The following PCM1 variants were observed in gnomAD, a reference collection of about 807,000 sequenced individuals.
PCM1 encodes pericentriolar material 1.
In PCM1, 157 loss-of-function variants were observed where a neutral mutation model predicts 241.9. The observed-to-expected ratio is 0.65, with a 90% CI of 0.57 to 0.74. The LOEUF (loss-of-function observed/expected upper bound fraction) is 0.74. PCM1 is among the 30% of genes least tolerant of loss of function. PCM1 has a pLI of 0.00. For synonymous variants in PCM1, 1,085 were observed against 784.9 expected (o/e 1.38, Z -6.39); for missense variants, 3,478 against 2,360.1 (o/e 1.47, Z -9.81).
chr8:18,024,294 A>G (rs909010982), intron 36 of PCM1, among the ~76,000 whole-genome samples: 2 of 152,172 alleles, frequency 1.3e-5, no homozygotes, highest in Non-Finnish European at 2.9e-5. Context: ...TGAGCCCAGG[A>G]GTTCTAGACT....
At chr8:17,969,490 A>T in intron 21 of PCM1, 87 bp from the exon 22 acceptor site, 1 of 969,020 alleles carries the variant, frequency 1.0e-6, no homozygotes, top group Non-Finnish European at 1.6e-6. Flanking sequence ...TTTGAATGAC[A>T]TGTTTAATTA....
At chr8:17,959,050 A>G (rs1459548734) in intron 13 of PCM1, among the ~76,000 whole-genome samples, 1 of 152,048 alleles carries the variant, frequency 6.6e-6, no homozygotes, top group Non-Finnish European at 1.5e-5. Context: ...TCCATTAATA[A>G]TCCTATTCTT....
At chr8:17,964,983 G>A (rs1336917677) in intron 18 of PCM1, among the ~76,000 whole-genome samples, 1 of 152,056 alleles carries the variant, frequency 6.6e-6, no homozygotes, top group Non-Finnish European at 1.5e-5. Flanking sequence ...CAACTGCTTG[G>A]TCCCCACGTT....
In PCM1 at chr8:17,967,077, T is replaced by G; in HGVS notation, c.3319T>G (p.Ser1107Ala). ...AGGCAGTAGTGCATCGCACCCTCCT[T>G]CTCCCAGTTTATTTTGTCCTTTCAG... The part of the protein sequence containing the change: ...ERGSSASHPP[S>A]PSLFCPFSFP... Residue 1107 changes from serine (S) to alanine (A), a missense_variant, in exon 21 of 39, where the codon TCT becomes GCT. Ser to Ala is a moderately conservative substitution (Grantham distance 99). Coordinates refer to ENST00000325083, the MANE Select transcript of PCM1 (RefSeq NM_006197.4). 6.2e-7 allele frequency: 1 copy of G among 1,609,062 alleles called. No individual in the cohort carries two copies. Among genetic ancestry groups the G allele is most frequent in the Non-Finnish European group, 8.5e-7 (1 of 1,177,436 alleles).
At chr8:17,995,573 A>C (rs868662718) in intron 29 of PCM1, among the ~76,000 whole-genome samples, 4 of 151,352 alleles carry the variant, frequency 2.6e-5, no homozygotes, top group Middle Eastern at 3.4e-3. Flanking sequence ...GGTTCCTATA[A>C]ATTTTAGGAT....
chr8:18,002,978 G>T (rs538165724), intron 29 of PCM1, among the ~76,000 whole-genome samples: 8 of 152,218 alleles, frequency 5.3e-5, no homozygotes, highest in African/African-American at 1.9e-4. Context: ...TAATACTTCT[G>T]CCTGGAATGC....
chr8:17,985,021 T>A (rs1391063693), intron 24 of PCM1, among the ~76,000 whole-genome samples: 1 of 151,946 alleles, frequency 6.6e-6, no homozygotes, highest in Non-Finnish European at 1.5e-5. Context: ...CAGTTTATTC[T>A]TTTTAACATT....
At chr8:17,993,250 T>C (rs1043878887) in intron 28 of PCM1, among the ~76,000 whole-genome samples, 4 of 152,104 alleles carry the variant, frequency 2.6e-5, no homozygotes, top group African/African-American at 9.7e-5. Context: ...ATATTTTTTA[T>C]TGATTACAAG....
chr8:18,014,887 G>A, intron 36 of PCM1, 47 bp downstream of exon 36: 1 of 1,467,152 alleles, frequency 6.8e-7, no homozygotes, highest in Non-Finnish European at 9.1e-7. Flanking sequence ...TCATTTCTGT[G>A]CATATTTCTT....
At position 18,009,726 on chromosome 8, in the gene PCM1, A is replaced by G; in HGVS notation, c.5142A>G (p.Ile1714Met). 1 of 1,465,318 alleles carries G rather than the reference A, an allele frequency of 6.8e-7. No individual in the cohort carries two copies. Among genetic ancestry groups the G allele is most frequent in the Non-Finnish European group, 9.0e-7 (1 of 1,107,170 alleles). 90.8% of individuals were successfully genotyped at this position (1,465,318 alleles called of 1,614,324 possible). ...CKRKIEATGVIQSCAKEAKRI... is the reference protein window; with the variant it reads ...CKRKIEATGVMQSCAKEAKRI... The stretch of plus-strand genomic sequence containing the variant: ...GGAAAATAGAAGCAACTGGAGTGAT[A>G]CAATCTTGTGCCAAAGAGGTAAATA... Residue 1714 changes from isoleucine (I) to methionine (M), a missense_variant, in exon 31 of 39, where the codon ATA becomes ATG. Physicochemically the swap from Ile to Met is conservative, Grantham distance 10 (BLOSUM62 1). Coordinates refer to ENST00000325083, the MANE Select transcript of PCM1 (RefSeq NM_006197.4).
chr8:17,939,126 T>A (rs1400633936), intron 5 of PCM1, 117 bp downstream of exon 5: 4 of 855,488 alleles, frequency 4.7e-6, no homozygotes, highest in East Asian at 5.2e-5. Context: ...TTAAAGTGCT[T>A]CACTGACCTC....
At chr8:17,938,495 T>G (rs2061095319) in intron 4 of PCM1, among the ~76,000 whole-genome samples, 1 of 152,206 alleles carries the variant, frequency 6.6e-6, no homozygotes, top group South Asian at 2.1e-4. Flanking sequence ...TCATTTAGAC[T>G]TACCTTGTTC....
chr8:18,023,071 C>G (rs984346313), intron 36 of PCM1, among the ~76,000 whole-genome samples: 24 of 152,300 alleles, frequency 1.6e-4, no homozygotes, highest in African/African-American at 5.5e-4. Context: ...ATAACCATGA[C>G]AATCACATCA....
At chr8:17,944,106 T>G (rs1030441383) in intron 6 of PCM1, among the ~76,000 whole-genome samples, 2 of 152,192 alleles carry the variant, frequency 1.3e-5, no homozygotes, top group African/African-American at 2.4e-5. Context: ...CTCTTAAAAT[T>G]TATAAGCTTT....
rs1343228446 is a variant in PCM1 at position 17,957,543 on chromosome 8, G to A, written c.1808G>A (p.Cys603Tyr). Residue 603 changes from cysteine to tyrosine, a missense_variant, in exon 13 of 39, where the codon TGT (cysteine) becomes TAT (tyrosine). Cys to Tyr is a radical substitution (Grantham distance 194). Coordinates refer to ENST00000325083, the MANE Select transcript of PCM1 (RefSeq NM_006197.4). Reference sequence around the variant, plus strand: ...TAATTATACATGTTTTCAGCAGATTGTCGATATAATAGAGAAGGGGAACAG... The same window carrying A: ...TAATTATACATGTTTTCAGCAGATTATCGATATAATAGAGAAGGGGAACAG... ...RALNMPPSLD[C>Y]RYNREGEQEI... 4 of 1,587,086 alleles carry A rather than the reference G, an allele frequency of 2.5e-6. No individual in the cohort carries two copies. Among genetic ancestry groups the A allele is most frequent in the East Asian group, 2.3e-5 (1 of 43,962 alleles).
intron 32 of PCM1, 99 bp from the exon 33 acceptor site, chr8:18,011,135 ATTT>A: frequency 2.7e-6 from 2 of 754,502 alleles, no homozygotes; most frequent in Non-Finnish European, 3.8e-6. Flanking sequence ...GGTTCTTTGT[ATTT>A]TTTATTAGAT....
intron 2 of PCM1, among the ~76,000 whole-genome samples, chr8:17,929,621 T>G (rs1015613188): frequency 6.6e-6 from 1 of 152,184 alleles, no homozygotes; most frequent in African/African-American, 2.4e-5. Context: ...CTAGCAACCT[T>G]TATCCTTTAT....
At chr8:18,007,871 C>T (rs564477650) in intron 30 of PCM1, among the ~76,000 whole-genome samples, 1 of 152,062 alleles carries the variant, frequency 6.6e-6, no homozygotes, top group Admixed American at 6.5e-5. Context: ...CATTGAACAT[C>T]ATAGTTGTTT....
At chr8:17,958,371 T>G (rs1330894319) in intron 13 of PCM1, among the ~76,000 whole-genome samples, 1 of 152,164 alleles carries the variant, frequency 6.6e-6, no homozygotes, top group Non-Finnish European at 1.5e-5. Context: ...TCATAAATTT[T>G]AAAAAGCAGT....
Sources: allele counts gnomAD v4.1 joint callset (sites outside exome capture counted in the v4.1 genomes callset), GRCh38; gene constraint gnomAD v4.1.1; transcripts MANE v1.5; gene names NCBI Gene and HGNC (gene_info 2026-07-23, HGNC 2026-07-21).